Variants in CNDP1 observed in about 807,000 individuals in gnomAD.
CNDP1 encodes carnosine dipeptidase 1, also known as beta-Ala-His dipeptidase.
A neutral mutation model predicts 58.1 loss-of-function variants in CNDP1; 44 were observed. That is an observed-to-expected ratio of 0.76 (90% CI 0.60 to 0.97). The LOEUF (loss-of-function observed/expected upper bound fraction) is 0.97, where lower values mean the gene tolerates loss of function less well. Among genes scored for constraint, CNDP1 ranks in the 50% least tolerant of loss-of-function variants. The pLI is 0.00. For synonymous variants in CNDP1, 254 were observed against 252.6 expected, an observed-to-expected ratio of 1.01 and a Z score of -0.05; for missense variants, 616 against 655.1, an observed-to-expected ratio of 0.94 and a Z score of 0.65.
intron 1 of CNDP1, among the ~76,000 whole-genome samples, chr18:74,555,378 C>G (rs749163146): frequency 2.0e-5 from 3 of 152,118 alleles, no homozygotes; most frequent in Non-Finnish European, 2.9e-5. Flanking sequence ...TCCCAGCCCT[C>G]GCTCCCTCCC....
At chr18:74,568,229 A>T (rs866249034) in intron 6 of CNDP1, among the ~76,000 whole-genome samples, 1 of 152,224 alleles carries the variant, frequency 6.6e-6, no homozygotes. Flanking sequence ...TGAGATTCAG[A>T]TGTCAGCACA....
At chr18:74,537,506 A>AG (rs1207866232) in intron 1 of CNDP1, among the ~76,000 whole-genome samples, 1 of 152,198 alleles carries the variant, frequency 6.6e-6, no homozygotes, top group Admixed American at 6.5e-5. Context: ...TGGGATCTTG[A>AG]GCCCAAGATT....
At position 74,586,402 on chromosome 18, in the gene CNDP1, T is replaced by A. The variant is rs193114010; in HGVS notation, c.*1840T>A. On this transcript the variant is annotated 3_prime_UTR_variant, in exon 12 of 12. Transcript: ENST00000358821. ...GATTTTGTTGAACCTACCTGATGCA[T>A]TTGGCACTGTAGATAAGGACTAACA... is the stretch of plus-strand genomic sequence containing the variant. The A allele has an allele frequency of 6.6e-6, 1 of 152,240 alleles. No homozygotes were observed. Among genetic ancestry groups the A allele is most frequent in the Non-Finnish European group, 1.5e-5 (1 of 68,040 alleles). 9.4% of individuals were successfully genotyped at this position (152,240 alleles called of 1,614,324 possible). A position where few individuals can be genotyped will look rare whatever the true frequency, so the allele number is the denominator to read the frequency against.
At chr18:74,561,336 C>T (rs962634974) in intron 4 of CNDP1, 3 of 214,794 alleles carry the variant, frequency 1.4e-5, no homozygotes, top group South Asian at 2.0e-4. Flanking sequence ...TTGCTTGAAC[C>T]TGGGAGGCGG....
At chr18:74,560,249 C>T (rs941704852) in intron 3 of CNDP1, among the ~76,000 whole-genome samples, 5 of 152,136 alleles carry the variant, frequency 3.3e-5, no homozygotes, top group Admixed American at 6.5e-5. Context: ...CTCCTGACCT[C>T]GTGATCCACC....
In CNDP1 at chr18:74,584,637, G is replaced by A; in HGVS notation, c.*75G>A. The A allele has an allele frequency of 2.5e-6, 3 of 1,178,680 alleles. No homozygotes were observed. Among genetic ancestry groups the A allele is most frequent in the Non-Finnish European group, 3.8e-6 (3 of 785,312 alleles). 73.0% of individuals were successfully genotyped at this position (1,178,680 alleles called of 1,614,324 possible). A position where few individuals can be genotyped will look rare whatever the true frequency, so the allele number is the denominator to read the frequency against. ...CCACATCCCTAGACAGGGATGGAAT[G>A]TAAATATCCAGAGAATTTGGGTCTA... On this transcript the variant is annotated 3_prime_UTR_variant, in exon 12 of 12. Coordinates refer to ENST00000358821, the MANE Select transcript of CNDP1 (RefSeq NM_032649.6).
At chr18:74,549,904 C>T (rs1395118179) in intron 1 of CNDP1, among the ~76,000 whole-genome samples, 3 of 152,224 alleles carry the variant, frequency 2.0e-5, no homozygotes, top group Non-Finnish European at 4.4e-5. Flanking sequence ...AGCTGTAAGC[C>T]TTGGCAGCTT....
Position 74,556,345 on chromosome 18 carries a change from C to T in CNDP1, c.32C>T (p.Ser11Phe), listed in dbSNP as rs1009635770. 1 of 1,598,348 alleles carries T rather than the reference C, an allele frequency of 6.3e-7. No homozygotes were observed. Among genetic ancestry groups the T allele is most frequent in the Non-Finnish European group, 8.5e-7 (1 of 1,175,506 alleles). Reference sequence around the variant, plus strand: ...CATGTCAAACCCTTCCAGGCTGCGTCCCTGCTGGCTGTGCTGCTGCTGCTG... The same window carrying T: ...CATGTCAAACCCTTCCAGGCTGCGTTCCTGCTGGCTGTGCTGCTGCTGCTG... Reference protein sequence around the residue: MDPKLGRMAASLLAVLLLLLE... With the variant: MDPKLGRMAAFLLAVLLLLLE... The change falls in exon 2 of 12, where the codon TCC (serine) becomes TTC (phenylalanine). Residue 11 changes from serine to phenylalanine, a missense_variant. Transcript: ENST00000358821.
chr18:74,557,412 G>A (rs543300174), intron 2 of CNDP1, among the ~76,000 whole-genome samples: 2 of 152,244 alleles, frequency 1.3e-5, no homozygotes, highest in Non-Finnish European at 2.9e-5. Context: ...CAGGTTGGGA[G>A]TGGGGGTAAA....
At chr18:74,539,215 A>G (rs1980556095) in intron 1 of CNDP1, among the ~76,000 whole-genome samples, 1 of 145,358 alleles carries the variant, frequency 6.9e-6, no homozygotes, top group East Asian at 2.0e-4. Flanking sequence ...CAGGGATTTG[A>G]CTAAGGAGAT....
chr18:74,580,436 G>A (rs551639906), intron 10 of CNDP1, among the ~76,000 whole-genome samples, 165 bp downstream of exon 10: 11 of 152,296 alleles, frequency 7.2e-5, no homozygotes, highest in South Asian at 6.2e-4. Flanking sequence ...CGCTATACAC[G>A]CCATCTCAAG....
intron 10 of CNDP1, among the ~76,000 whole-genome samples, chr18:74,580,511 T>C (rs1981763033): frequency 6.6e-6 from 1 of 152,208 alleles, no homozygotes; most frequent in African/African-American, 2.4e-5. Flanking sequence ...ACATGAAGTA[T>C]TTTGCCAAAG....
At chr18:74,556,276 G>A (rs975119388) in intron 1 of CNDP1, 62 bp from the exon 2 acceptor site, 13 of 1,566,630 alleles carry the variant, frequency 8.3e-6, no homozygotes, top group East Asian at 2.3e-5. Context: ...GAATTTGGAA[G>A]GTCCGAAGTC....
At chr18:74,581,807 G>T (rs1981797661) in intron 10 of CNDP1, among the ~76,000 whole-genome samples, 1 of 152,224 alleles carries the variant, frequency 6.6e-6, no homozygotes, top group Non-Finnish European at 1.5e-5. Flanking sequence ...TCTTCCCAAA[G>T]CAGGGGGTTC....
intron 7 of CNDP1, among the ~76,000 whole-genome samples, chr18:74,573,936 T>C (rs1290769597): frequency 6.6e-6 from 1 of 152,240 alleles, no homozygotes; most frequent in Non-Finnish European, 1.5e-5. Context: ...TTGTGTCCTC[T>C]ATGTGGTTTT....
rs1981870042 is a variant in CNDP1, at chr18:74,584,749, G to T, written c.*187G>T. The T allele has an allele frequency of 1.8e-6, 1 of 569,830 alleles. No individual in the cohort carries two copies. Among genetic ancestry groups the T allele is most frequent in the Admixed American group, 3.0e-5 (1 of 33,230 alleles). The allele number at this position is 569,830 out of a possible 1,614,324, so 35.3% of individuals were successfully genotyped here. On this transcript the variant is annotated 3_prime_UTR_variant, in exon 12 of 12. Coordinates refer to ENST00000358821, the MANE Select transcript of CNDP1 (RefSeq NM_032649.6). ...TTTCAAAGGCACAGATGTTGGAAAT[G>T]GTTTAAGGTCCCCCACTGCACACCT...
At chr18:74,566,614 G>A (rs1417451505) in intron 5 of CNDP1, among the ~76,000 whole-genome samples, 3 of 152,164 alleles carry the variant, frequency 2.0e-5, no homozygotes, top group Non-Finnish European at 4.4e-5. Context: ...TTCCAAAAAA[G>A]TTCCACATCT....
intron 4 of CNDP1, chr18:74,561,459 C>G (rs1192776287): frequency 6.5e-6 from 1 of 153,884 alleles, no homozygotes; most frequent in Non-Finnish European, 1.4e-5. Flanking sequence ...CTCTCAAAGT[C>G]TACCGATCGG....
chr18:74,581,242 G>A (rs1981783911), intron 10 of CNDP1, among the ~76,000 whole-genome samples: 1 of 151,748 alleles, frequency 6.6e-6, no homozygotes, highest in African/African-American at 2.4e-5. Context: ...GTGTGTGTGT[G>A]TGTGTGTGTG....
Sources: gnomAD v4.1 joint callset for allele counts (sites outside exome capture counted in the v4.1 genomes callset) on GRCh38, gnomAD v4.1.1 for gene constraint, MANE v1.5 for transcripts, NCBI Gene and HGNC (gene_info 2026-07-23, HGNC 2026-07-21) for gene names.